The following FH variants were observed in gnomAD, a reference collection of about 807,000 sequenced individuals.
FH encodes fumarate hydratase, mitochondrial.
A neutral mutation model predicts 49.4 loss-of-function variants in FH; 22 were observed. That is an observed-to-expected ratio of 0.45 (90% CI 0.32 to 0.64). The LOEUF (loss-of-function observed/expected upper bound fraction) is 0.64. Among genes scored for constraint, FH ranks in the 30% least tolerant of loss-of-function variants. FH has a pLI of 0.05. For missense variants in FH, 526 were observed against 641.5 expected (o/e 0.82, Z 1.95); for synonymous variants, 208 against 223.0 (o/e 0.93, Z 0.60).
chr1:241,508,060 G>T (rs189370173), intron 5 of FH, among the ~76,000 whole-genome samples: 2 of 152,228 alleles, frequency 1.3e-5, no homozygotes, highest in East Asian at 3.9e-4. Flanking sequence ...ATCTTAAAAA[G>T]ATCTACCTTA....
At position 241,517,437 on chromosome 1, in the gene FH, A is replaced by T. The variant is rs540287305; in HGVS notation, c.133-121T>A. The T allele has an allele frequency of 6.5e-5, 68 of 1,052,570 alleles. No individual in the cohort carries two copies. The East Asian group carries it at 1.7e-3, about 26-fold the overall frequency. The allele number at this position is 1,052,570 out of a possible 1,614,324, so 65.2% of individuals were successfully genotyped here. ...ATAAGTATCACAAAGACAAAAAAAT[A>T]CTATTTGGATTCTCATTCTCTTCCT... On this transcript the variant is annotated intron_variant, in intron 1 of 9. Transcript: ENST00000366560.
At chr1:241,518,371 C>G (rs1660275287) in intron 1 of FH, among the ~76,000 whole-genome samples, 1 of 152,172 alleles carries the variant, frequency 6.6e-6, no homozygotes, top group African/African-American at 2.4e-5. Context: ...CTTTACAAAA[C>G]ACTAAATAAA....
intron 5 of FH, among the ~76,000 whole-genome samples, chr1:241,507,295 T>A (rs1158546032): frequency 1.3e-5 from 2 of 152,182 alleles, no homozygotes; most frequent in Non-Finnish European, 2.9e-5. Flanking sequence ...CCATATAGCC[T>A]AGGTGTATAG....
At chr1:241,516,808 G>T (rs747259206) in intron 2 of FH, among the ~76,000 whole-genome samples, 46 of 152,030 alleles carry the variant, frequency 3.0e-4, no homozygotes, top group Non-Finnish European at 4.0e-4. Flanking sequence ...GCGCGCCACC[G>T]TGCCCGGCTA....
intron 4 of FH, among the ~76,000 whole-genome samples, chr1:241,511,568 A>G (rs1660084758): frequency 6.6e-6 from 1 of 151,968 alleles, no homozygotes; most frequent in Admixed American, 6.6e-5. Flanking sequence ...TTTTTTTTAA[A>G]GTCTGTTGTT....
In FH at chr1:241,502,405, T is replaced by C. The variant is rs747325945; in HGVS notation, c.1236+38A>G. On this transcript the variant is annotated intron_variant, in intron 8 of 9. Transcript: ENST00000366560. ...AATACAAAACCAAGATAATAAGCCT[T>C]TGGTCAAAAAACATTAAAAATCAGA... The C allele has an allele frequency of 7.4e-6, 12 of 1,612,844 alleles. No homozygotes were observed. The South Asian group carries it at 1.1e-4, about 15-fold the overall frequency.
At chr1:241,517,436 T>C (rs1180861693) in intron 1 of FH, 120 bp from the exon 2 acceptor site, 2 of 1,065,014 alleles carry the variant, frequency 1.9e-6, no homozygotes, top group Non-Finnish European at 2.7e-6. Flanking sequence ...GACAAAAAAA[T>C]ACTATTTGGA....
chr1:241,515,768 C>T (rs1660197003), intron 2 of FH, among the ~76,000 whole-genome samples: 1 of 152,184 alleles, frequency 6.6e-6, no homozygotes, highest in African/African-American at 2.4e-5. Flanking sequence ...TTATGCATTT[C>T]TCAATTCTTT....
At chr1:241,517,456 TCTTCCTCA>T (rs1660250473) in intron 1 of FH, 140 bp from the exon 2 acceptor site, 4 of 889,012 alleles carry the variant, frequency 4.5e-6, no homozygotes, top group Non-Finnish European at 5.1e-6. Context: ...ATTCTCATTC[TCTTCCTCA>T]CTTTCAGGTC....
rs755633330 is a variant in FH at position 241,497,882 on chromosome 1, T to C, written c.1479A>G (p.Thr493=). ...TTACCCATTCGTCAAACTGCTCTGC[T>C]GTGAGATAGCCAAGTTCGATAGCAG... ...KETAIELGYL[T]AEQFDEWVKP... The change falls in exon 10 of 10, where the codon ACA becomes ACG. Residue 493 remains threonine, a synonymous_variant. Coordinates refer to ENST00000366560, the MANE Select transcript of FH (RefSeq NM_000143.4). 1.9e-6 allele frequency: 3 copies of C among 1,613,288 alleles called. No individual in the cohort carries two copies. Among genetic ancestry groups the C allele is most frequent in the African/African-American group, 1.3e-5 (1 of 74,928 alleles).
chr1:241,500,614 A>G, intron 8 of FH, 24 bp from the exon 9 acceptor site: 2 of 1,604,266 alleles, frequency 1.2e-6, no homozygotes, highest in Admixed American at 1.7e-5. Context: ...AGAGAGAGAG[A>G]GAGAGAGAGA....
chr1:241,498,687 G>C (rs1159370718), intron 9 of FH, among the ~76,000 whole-genome samples: 2 of 80,626 alleles, frequency 2.5e-5, no homozygotes, highest in Non-Finnish European at 4.7e-5. Context: ...TCTGCAAGCT[G>C]TCTTAACATA....
intron 9 of FH, among the ~76,000 whole-genome samples, chr1:241,499,973 TTTTTC>T (rs1248304722): frequency 1.3e-5 from 2 of 152,194 alleles, no homozygotes; most frequent in Non-Finnish European, 2.9e-5. Context: ...ATACATAAAC[TTTTTC>T]TTTTAATTGT....
intron 1 of FH, chr1:241,519,310 G>A (rs993349316): frequency 5.1e-6 from 2 of 391,122 alleles, no homozygotes; most frequent in Non-Finnish European, 4.6e-6. Context: ...GGCCCGCCAC[G>A]GACGGCTCCG....
intron 5 of FH, among the ~76,000 whole-genome samples, chr1:241,508,192 A>G (rs1056619004): frequency 1.3e-5 from 2 of 152,214 alleles, no homozygotes; most frequent in Non-Finnish European, 2.9e-5. Flanking sequence ...GGTAGCTAAC[A>G]TGAATGGGTA....
In FH at chr1:241,507,099, T is replaced by C. The variant is rs138612734; in HGVS notation, c.739-931A>G. On this transcript the variant is annotated intron_variant, in intron 5 of 9. Coordinates refer to ENST00000366560, the MANE Select transcript of FH (RefSeq NM_000143.4). ...TACAGTCACGCACCACATAATGATG[T>C]TTCAGCCAACGAAAGATCACATAAA... is the stretch of plus-strand genomic sequence containing the variant. 3.7e-3 allele frequency among the ~76,000 whole-genome samples: 565 copies of C among 152,270 alleles called. 1 individual carries two copies. Among genetic ancestry groups the C allele is most frequent in the African/African-American group, 0.012 (515 of 41,548 alleles).
chr1:241,499,382 T>A (rs1221604142), intron 9 of FH, among the ~76,000 whole-genome samples: 1 of 152,220 alleles, frequency 6.6e-6, no homozygotes, highest in African/African-American at 2.4e-5. Context: ...GAAGTAAAGA[T>A]CTGATGAAAA....
rs764340490 is a variant in FH at position 241,513,649 on chromosome 1, C to T, written c.332G>A (p.Gly111Asp). ...TGCATTAGCAATCTTTGGATCAAGACCATAATCCTGGTTTACTTCAGCGGC... is the reference window on the plus strand; with the variant it reads ...TGCATTAGCAATCTTTGGATCAAGATCATAATCCTGGTTTACTTCAGCGGC... ...RAAAEVNQDY[G>D]LDPKIANAIM... is the part of the protein sequence containing the mutation. Residue 111 changes from glycine (G) to aspartate (D), a missense_variant, in exon 3 of 10, where the codon GGT becomes GAT. Physicochemically the swap from Gly to Asp is moderately conservative, Grantham distance 94. This residue lies in a region of FH where 383 missense variants were observed against 514.0 expected (regional missense o/e 0.75). Coordinates refer to ENST00000366560, the MANE Select transcript of FH (RefSeq NM_000143.4). 1.9e-6 allele frequency: 3 copies of T among 1,613,974 alleles called. No individual in the cohort carries two copies. The highest frequency in any genetic ancestry group is 2.5e-6 in the Non-Finnish European group (3 of 1,180,000).
intron 4 of FH, chr1:241,511,757 T>C (rs1054606017): frequency 1.8e-5 from 10 of 548,060 alleles, no homozygotes; most frequent in Non-Finnish European, 3.2e-5. Context: ...AATAAAAAAA[T>C]ACATACACTA....
Sources: gnomAD v4.1 joint callset for allele counts (sites outside exome capture counted in the v4.1 genomes callset) on GRCh38, gnomAD v4.1.1 for gene constraint, gnomAD v4.1.1 regional missense constraint, MANE v1.5 for transcripts, NCBI Gene and HGNC (gene_info 2026-07-23, HGNC 2026-07-21) for gene names.